PLXNA4: variants seen among roughly 807,000 people sequenced by gnomAD.
The protein encoded by PLXNA4 is plexin-A4.
PLXNA4 carries 44 observed loss-of-function variants against 191.8 expected under a neutral mutation model. The ratio of observed to expected loss-of-function variants is 0.23; its 90% CI spans 0.18 to 0.29. The LOEUF is 0.29. PLXNA4 is among the 10% of genes least tolerant of loss of function. The probability of loss-of-function intolerance (pLI) is 1.00; values close to 1 mark genes in which losing one functional copy is unlikely to be tolerated. For synonymous variants in PLXNA4, 1,082 were observed against 1,009.5 expected (o/e 1.07, Z -1.36); for missense variants, 1,800 against 2,488.8 (o/e 0.72, Z 5.89).
chr7:132,563,644 C>A (rs1481198839), intron 1 of PLXNA4, among the ~76,000 whole-genome samples: 3 of 128,086 alleles, frequency 2.3e-5, no homozygotes, highest in Non-Finnish European at 5.0e-5. Flanking sequence ...CCTTCTCCTC[C>A]TCCTTCTCCT....
At chr7:132,152,684 A>G (rs1795680137) in intron 25 of PLXNA4, among the ~76,000 whole-genome samples, 1 of 152,244 alleles carries the variant, frequency 6.6e-6, no homozygotes, top group Non-Finnish European at 1.5e-5. Flanking sequence ...CCTCCCGTGA[A>G]GGCTGAGCCT....
chr7:132,356,627 A>G (rs191804379), intron 3 of PLXNA4, among the ~76,000 whole-genome samples: 31 of 152,364 alleles, frequency 2.0e-4, no homozygotes, highest in Non-Finnish European at 3.8e-4. Context: ...GAGTAAGGCT[A>G]CGGCAGGAGT....
intron 3 of PLXNA4, among the ~76,000 whole-genome samples, chr7:132,351,589 A>G (rs1803488154): frequency 6.6e-6 from 1 of 152,222 alleles, no homozygotes; most frequent in Non-Finnish European, 1.5e-5. Flanking sequence ...GTGCATGCCC[A>G]AGATACCTGC....
intron 25 of PLXNA4, among the ~76,000 whole-genome samples, chr7:132,156,135 T>TACACATACAC (rs1795786168): frequency 1.5e-5 from 2 of 133,100 alleles, no homozygotes; most frequent in Middle Eastern, 3.7e-3. Context: ...TTTCTGGACA[T>TACACATACAC]ACACACACAC....
intron 2 of PLXNA4, among the ~76,000 whole-genome samples, chr7:132,587,419 T>C (rs754237103): frequency 9.6e-4 from 146 of 152,326 alleles, no homozygotes; most frequent in Admixed American, 3.3e-3. Flanking sequence ...AAATAAATTG[T>C]CTTGAGTGGT....
At chr7:132,555,248 C>T (rs1027259999) in intron 1 of PLXNA4, among the ~76,000 whole-genome samples, 2 of 151,936 alleles carry the variant, frequency 1.3e-5, no homozygotes, top group South Asian at 2.1e-4. Context: ...TAAAGGAATC[C>T]CTACAAATAT....
At chr7:132,337,312 C>T (rs1313653561) in intron 3 of PLXNA4, among the ~76,000 whole-genome samples, 7 of 152,212 alleles carry the variant, frequency 4.6e-5, no homozygotes, top group Non-Finnish European at 1.0e-4. Flanking sequence ...CATGCATGTT[C>T]ATACACACTT....
At chr7:132,396,445 C>T (rs774922038) in intron 3 of PLXNA4, among the ~76,000 whole-genome samples, 2 of 152,134 alleles carry the variant, frequency 1.3e-5, no homozygotes, top group Admixed American at 6.5e-5. Flanking sequence ...TGTCCAAGGT[C>T]GAACAACTGA....
At chr7:132,572,495 C>A (rs1304632276) in intron 1 of PLXNA4, among the ~76,000 whole-genome samples, 2 of 152,210 alleles carry the variant, frequency 1.3e-5, no homozygotes, top group Admixed American at 1.3e-4. Context: ...CACAGACTCA[C>A]ATAGGGACTC....
At chr7:132,610,003 G>T (rs182856748) in intron 2 of PLXNA4, among the ~76,000 whole-genome samples, 10 of 152,308 alleles carry the variant, frequency 6.6e-5, no homozygotes, top group Non-Finnish European at 1.3e-4. Context: ...TCCACCATCT[G>T]CCTGCTTGAA....
At chr7:132,619,996 G>T (rs1008374970) in intron 2 of PLXNA4, among the ~76,000 whole-genome samples, 1 of 152,182 alleles carries the variant, frequency 6.6e-6, no homozygotes, top group African/African-American at 2.4e-5. Context: ...TAGAGATGGG[G>T]TTTCACTGTG....
intron 5 of PLXNA4, among the ~76,000 whole-genome samples, chr7:132,238,356 G>C (rs1409929899): frequency 6.6e-6 from 1 of 152,150 alleles, no homozygotes; most frequent in African/African-American, 2.4e-5. Flanking sequence ...CCGTGTTCCA[G>C]CGACTTTATG....
chr7:132,254,994 G>A (rs6966281), intron 4 of PLXNA4, among the ~76,000 whole-genome samples: 1 of 151,818 alleles, frequency 6.6e-6, no homozygotes, highest in Non-Finnish European at 1.5e-5. Context: ...ATTCTCAGGG[G>A]GGGTGGCCTG....
At chr7:132,316,904 C>T (rs55950734) in intron 3 of PLXNA4, among the ~76,000 whole-genome samples, 42,684 of 152,056 alleles carry the variant, frequency 0.28, 7,603 homozygotes, top group African/African-American at 0.49. Flanking sequence ...TTGAGCCTAG[C>T]TGTGTTGTGC....
chr7:132,450,891 T>C (rs1796095390), intron 3 of PLXNA4, among the ~76,000 whole-genome samples: 1 of 152,158 alleles, frequency 6.6e-6, no homozygotes, highest in South Asian at 2.1e-4. Context: ...CAGTCCCTAG[T>C]CCTCTTGTTT....
intron 30 of PLXNA4, among the ~76,000 whole-genome samples, chr7:132,137,790 G>A (rs1008054485): frequency 6.6e-6 from 1 of 151,400 alleles, no homozygotes; most frequent in Non-Finnish European, 1.5e-5. Context: ...TGGCAGGACA[G>A]GAGTGAGGGC....
At chr7:132,576,505 C>G (rs1802245809), upstream of PLXNA4, 1 of 985,218 alleles carries the variant, frequency 1.0e-6, no homozygotes, top group South Asian at 4.7e-5. The surrounding 1 kb of genome is among the most constrained non-coding windows in gnomAD (Gnocchi z 5.8). Context: ...TCTCGCCCTC[C>G]TCTGAACGTG....
At chr7:132,531,846 G>A (rs1799626487) in intron 1 of PLXNA4, among the ~76,000 whole-genome samples, 2 of 152,164 alleles carry the variant, frequency 1.3e-5, no homozygotes, top group African/African-American at 4.8e-5. Flanking sequence ...GGAAGGGCTT[G>A]GTAATTTGCA....
At chr7:132,392,169 G>A (rs1431085134) in intron 3 of PLXNA4, among the ~76,000 whole-genome samples, 1 of 151,842 alleles carries the variant, frequency 6.6e-6, no homozygotes, top group Non-Finnish European at 1.5e-5. Context: ...AGCACACATT[G>A]GTGTGCATGG....
Sources: allele counts gnomAD v4.1 joint callset (sites outside exome capture counted in the v4.1 genomes callset), GRCh38; gene constraint gnomAD v4.1.1; non-coding constraint Gnocchi (gnomAD v3.1); transcripts MANE v1.5; gene names NCBI Gene and HGNC (gene_info 2026-07-23, HGNC 2026-07-21).